MASP1: variants seen among roughly 807,000 people sequenced by gnomAD.
MASP1 encodes mannan-binding lectin serine protease 1.
MASP1 carries 59 observed loss-of-function variants against 77.1 expected under a neutral mutation model. The ratio of observed to expected loss-of-function variants is 0.77; its 90% CI spans 0.62 to 0.95. The LOEUF is 0.95. MASP1 is among the 40% of genes least tolerant of loss of function. MASP1 has a pLI of 0.00. For missense variants in MASP1, 885 were observed against 912.9 expected, an observed-to-expected ratio of 0.97 and a Z score of 0.39; for synonymous variants, 362 against 354.5, an observed-to-expected ratio of 1.02 and a Z score of -0.24.
chr3:187,254,574 G>T (rs1714909223), intron 5 of MASP1, among the ~76,000 whole-genome samples: 1 of 152,136 alleles, frequency 6.6e-6, no homozygotes, highest in South Asian at 2.1e-4. Flanking sequence ...AATTTCAAGT[G>T]CAAACTCGAT....
At chr3:187,287,539 CTG>C (rs1717963018) in intron 1 of MASP1, among the ~76,000 whole-genome samples, 2 of 152,328 alleles carry the variant, frequency 1.3e-5, no homozygotes, top group Admixed American at 1.3e-4. Context: ...CACTTACTGA[CTG>C]TGAAAACTTG....
chr3:187,242,142 C>T (rs1007714443), intron 9 of MASP1: 1 of 153,724 alleles, frequency 6.5e-6, no homozygotes, highest in South Asian at 2.0e-4. Context: ...CTTTAATAAG[C>T]ATACATTTGT....
At position 187,284,664 on chromosome 3, in the gene MASP1, T is replaced by C. The variant is rs1048498621; in HGVS notation, c.237+1161A>G. The stretch of plus-strand genomic sequence containing the variant: ...GCTCAGTGGAGAATAGCTTGGGAGT[T>C]GTTTGGTGTAGACAAAAGAGCATGT... On this transcript the variant is annotated intron_variant, in intron 2 of 10. Coordinates refer to ENST00000296280, the MANE Select transcript of MASP1 (RefSeq NM_139125.4). 4.6e-5 allele frequency among the ~76,000 whole-genome samples: 7 copies of C among 152,146 alleles called. 1 individual carries two copies. The highest frequency in any genetic ancestry group is 4.6e-4 in the Admixed American group (7 of 15,260).
chr3:187,243,592 C>T lies in MASP1; in HGVS notation c.1120G>A (p.Glu374Lys), dbSNP rs1470713862. 1 of 1,614,064 alleles carries T rather than the reference C, an allele frequency of 6.2e-7. No individual in the cohort carries two copies. The highest frequency in any genetic ancestry group is 8.5e-7 in the Non-Finnish European group (1 of 1,180,036). The change falls in exon 9 of 11, where the codon GAA becomes AAA. Residue 374 changes from glutamate (E) to lysine (K), a missense_variant. Physicochemically the swap from Glu to Lys is moderately conservative, Grantham distance 56. Transcript: ENST00000296280. ...IVDCRAPGEL[E>K]HGLITFSTRN... ...GTAGAGAAGGTGATCAGCCCGTGTT[C>T]CAGCTCTCCTGGGGCTCTACAGTCT... is the stretch of plus-strand genomic sequence containing the variant.
intron 13 of MASP1, among the ~76,000 whole-genome samples, chr3:187,223,446 A>T (rs1053932511): frequency 6.6e-6 from 1 of 152,164 alleles, no homozygotes; most frequent in Non-Finnish European, 1.5e-5. Context: ...TCCCACCCTC[A>T]ACTAGTCTGA....
rs368962879 is a variant in MASP1, at chr3:187,226,546, C to T, written c.1442-26G>A. Reference sequence around the variant, plus strand: ...CTGGGGAACAGAACACACGTCTCATCGTCCTGCACTACTGGGTCTTGCCTC... The same window carrying T: ...CTGGGGAACAGAACACACGTCTCATTGTCCTGCACTACTGGGTCTTGCCTC... On this transcript the variant is annotated intron_variant, in intron 11 of 15. Transcript: ENST00000337774. 292 of 1,500,684 alleles carry T rather than the reference C, an allele frequency of 1.9e-4. 1 individual carries two copies. Among genetic ancestry groups the T allele is most frequent in the Middle Eastern group, 3.4e-4 (2 of 5,900 alleles). 93.0% of individuals were successfully genotyped at this position (1,500,684 alleles called of 1,614,324 possible). A position where few individuals can be genotyped will look rare whatever the true frequency, so the allele number is the denominator to read the frequency against.
chr3:187,263,625 A>T (rs1715787642), intron 2 of MASP1, among the ~76,000 whole-genome samples: 1 of 152,238 alleles, frequency 6.6e-6, no homozygotes, highest in Non-Finnish European at 1.5e-5. Flanking sequence ...GGCAGTCTTA[A>T]TACAGAAACT....
In MASP1 at chr3:187,221,168, C is replaced by T. The variant is rs3733001; in HGVS notation, c.1810-34G>A. On this transcript the variant is annotated intron_variant, in intron 14 of 15. Coordinates refer to the MASP1 transcript ENST00000337774. ...CAAAGCTGTTATTGGTCCTCATCCC[C>T]GGCTGAGAAGCCTCTGCTATTCTGA... is the stretch of plus-strand genomic sequence containing the variant. 0.29 allele frequency: 435,759 copies of T among 1,521,678 alleles called. 70,287 individuals carry two copies. Among genetic ancestry groups the T allele is most frequent in the East Asian group, 0.7 (30,522 of 43,852 alleles). The allele number at this position is 1,521,678 out of a possible 1,614,324, so 94.3% of individuals were successfully genotyped here.
chr3:187,246,973 C>A, intron 8 of MASP1: 1 of 1,157,276 alleles, frequency 8.6e-7, no homozygotes, highest in Non-Finnish European at 1.1e-6. Context: ...CCACTTTGAT[C>A]TGGTCAGCCT....
At chr3:187,220,667 T>C (rs1407587669) in intron 15 of MASP1, among the ~76,000 whole-genome samples, 2 of 151,794 alleles carry the variant, frequency 1.3e-5, no homozygotes, top group African/African-American at 4.8e-5. Flanking sequence ...CCGGCTAATT[T>C]TTGTATTTTT....
rs769119273 is a variant in MASP1, at chr3:187,235,648, G to A, written c.*36C>T. The A allele has an allele frequency of 7.0e-5, 113 of 1,612,442 alleles. No individual in the cohort carries two copies. In the East Asian group the frequency reaches 2.0e-3, roughly 28 times the overall value. On this transcript the variant is annotated 3_prime_UTR_variant, in exon 11 of 11. Coordinates refer to ENST00000296280, the MANE Select transcript of MASP1 (RefSeq NM_139125.4). ...GCTGTCGGAAGTGCGGTGTAGCTTCGCTCAGGGGAGGCAGGCCCCGAGGAA... is the reference window on the plus strand; with the variant it reads ...GCTGTCGGAAGTGCGGTGTAGCTTCACTCAGGGGAGGCAGGCCCCGAGGAA...
intron 12 of MASP1, chr3:187,226,110 T>A: frequency 4.6e-6 from 2 of 432,220 alleles, no homozygotes; most frequent in South Asian, 2.1e-5. Flanking sequence ...CGTATATGTA[T>A]GATCTATTTG....
intron 3 of MASP1, among the ~76,000 whole-genome samples, chr3:187,261,557 T>A (rs1187169336): frequency 6.6e-6 from 1 of 152,208 alleles, no homozygotes; most frequent in African/African-American, 2.4e-5. Flanking sequence ...TTAAAATTTT[T>A]AAAAATTGAC....
intron 13 of MASP1, among the ~76,000 whole-genome samples, chr3:187,224,338 G>A (rs1453778835): frequency 4.2e-5 from 6 of 144,014 alleles, no homozygotes; most frequent in African/African-American, 8.0e-5. Context: ...CCTGTGCTGA[G>A]TATTTTTTTT....
At position 187,256,783 on chromosome 3, in the gene MASP1, T is replaced by C; in HGVS notation, c.625A>G (p.Ser209Gly). ...TCGATGGTATACAGGCATTCAGAGC[T>C]CTTGGGGTAAGGGTTTGGGAAGTCA... ...SPDFPNPYPK[S>G]SECLYTIELE... Residue 209 changes from serine to glycine, a missense_variant, in exon 5 of 11, where the codon AGC becomes GGC. Coordinates refer to ENST00000296280, the MANE Select transcript of MASP1 (RefSeq NM_139125.4). The C allele has an allele frequency of 6.2e-7, 1 of 1,613,922 alleles. No homozygotes were observed. The highest frequency in any genetic ancestry group is 8.5e-7 in the Non-Finnish European group (1 of 1,180,008).
chr3:187,278,490 A>G (rs1717143072), intron 2 of MASP1, among the ~76,000 whole-genome samples: 1 of 152,206 alleles, frequency 6.6e-6, no homozygotes, highest in African/African-American at 2.4e-5. Context: ...TCTCTCCATC[A>G]CTGTCTCTGT....
In MASP1 at chr3:187,251,757, T is replaced by C. The variant is rs776544526; in HGVS notation, c.893-5A>G. On this transcript the variant is annotated splice_polypyrimidine_tract_variant and splice_region_variant and intron_variant, in intron 6 of 10. Coordinates refer to ENST00000296280, the MANE Select transcript of MASP1 (RefSeq NM_139125.4). The stretch of plus-strand genomic sequence containing the variant: ...GTAGCTCTGGGCACTCATTTCCTGG[T>C]GAGGAGCAAATGAAAGAACAGCAGG... 3 of 1,608,608 alleles carry C rather than the reference T, an allele frequency of 1.9e-6. No homozygotes were observed. Among genetic ancestry groups the C allele is most frequent in the Non-Finnish European group, 2.6e-6 (3 of 1,175,064 alleles).
exon 15 of MASP1, chr3:187,221,061 T>C: frequency 6.2e-7 from 1 of 1,614,104 alleles, no homozygotes; most frequent in Non-Finnish European, 8.5e-7. Flanking sequence ...ACAGATCATG[T>C]CCCTGGTCAC....
rs77075103 is a variant in MASP1, at chr3:187,265,074, G to A, written c.238-2354C>T. On this transcript the variant is annotated intron_variant, in intron 2 of 10. Transcript: ENST00000296280. Reference sequence around the variant, plus strand: ...TTCCTTTCCAATTCCAGACATAGCAGTCATCATAGTCTAACACAGTTCTAA... The same window carrying A: ...TTCCTTTCCAATTCCAGACATAGCAATCATCATAGTCTAACACAGTTCTAA... Among the ~76,000 whole-genome samples, 645 of 152,174 alleles carry A rather than the reference G, an allele frequency of 4.2e-3. 3 individuals are homozygous for A. Among genetic ancestry groups the A allele is most frequent in the Middle Eastern group, 0.01 (3 of 294 alleles).
Sources: allele counts gnomAD v4.1 joint callset (sites outside exome capture counted in the v4.1 genomes callset), GRCh38; gene constraint gnomAD v4.1.1; transcripts MANE v1.5; gene names NCBI Gene and HGNC (gene_info 2026-07-23, HGNC 2026-07-21).